Variants in MINPP1 observed in about 807,000 individuals in gnomAD.
MINPP1 encodes the protein multiple inositol-polyphosphate phosphatase 1.
MINPP1 carries 28 observed loss-of-function variants against 46.1 expected under a neutral mutation model. That is an observed-to-expected ratio of 0.61 (90% CI 0.45 to 0.83). MINPP1 has a LOEUF of 0.83. Ranked by LOEUF, MINPP1 falls within the 40% of genes least tolerant of loss-of-function variation. The pLI is 0.00. For synonymous variants in MINPP1, 268 were observed against 249.1 expected (o/e 1.08, Z -0.72); for missense variants, 603 against 610.0 (o/e 0.99, Z 0.12).
At chr10:87,510,157 T>G (rs556566719) in intron 2 of MINPP1, among the ~76,000 whole-genome samples, 14 of 152,360 alleles carry the variant, frequency 9.2e-5, no homozygotes, top group Admixed American at 8.5e-4. Context: ...ATTCTTGTCT[T>G]ATAGGATTAT....
chr10:87,541,074 T>G (rs1414070746), intron 4 of MINPP1, among the ~76,000 whole-genome samples: 1 of 152,252 alleles, frequency 6.6e-6, no homozygotes, highest in Admixed American at 6.5e-5. Context: ...GTCTGTATAC[T>G]TGCAATAGAA....
intron 3 of MINPP1, among the ~76,000 whole-genome samples, 171 bp from the exon 4 acceptor site, chr10:87,520,865 T>C (rs1851490874): frequency 6.6e-6 from 1 of 152,154 alleles, no homozygotes; most frequent in East Asian, 1.9e-4. Context: ...TAAATCTCTC[T>C]GTGGTATGAA....
intron 3 of MINPP1, among the ~76,000 whole-genome samples, chr10:87,514,364 G>A (rs1045209894): frequency 5.3e-5 from 8 of 152,122 alleles, no homozygotes; most frequent in Non-Finnish European, 1.0e-4. Flanking sequence ...ATTTTCTAAT[G>A]TACAGTCAAC....
intron 4 of MINPP1, among the ~76,000 whole-genome samples, chr10:87,522,199 T>G (rs1436291711): frequency 6.6e-6 from 1 of 152,192 alleles, no homozygotes; most frequent in Non-Finnish European, 1.5e-5. Context: ...TGGAAAAATT[T>G]TTTTTAAAGA....
intron 3 of MINPP1, 73 bp from the exon 4 acceptor site, chr10:87,520,963 G>T: frequency 1.4e-6 from 1 of 690,630 alleles, no homozygotes; most frequent in Admixed American, 2.5e-5. Flanking sequence ...ATTTCTTAGA[G>T]AATCATTATT....
intron 4 of MINPP1, among the ~76,000 whole-genome samples, chr10:87,547,229 G>T (rs560753232): frequency 6.6e-6 from 1 of 152,108 alleles, no homozygotes; most frequent in East Asian, 1.9e-4. Flanking sequence ...TTCTGCCTTG[G>T]GCTTCTGAGT....
chr10:87,550,670 GGT>G (rs753725522), intron 4 of MINPP1, among the ~76,000 whole-genome samples: 2 of 151,904 alleles, frequency 1.3e-5, no homozygotes, highest in African/African-American at 2.4e-5. Context: ...CCCCCGTTCT[GGT>G]GTGTGTACTG....
chr10:87,511,253 T>G (rs951918753), intron 2 of MINPP1, among the ~76,000 whole-genome samples: 1 of 152,208 alleles, frequency 6.6e-6, no homozygotes, highest in Admixed American at 6.5e-5. Flanking sequence ...AATTTCTTGC[T>G]TATCTCTTAG....
chr10:87,525,818 T>A (rs1350076326), intron 4 of MINPP1, among the ~76,000 whole-genome samples: 1 of 152,252 alleles, frequency 6.6e-6, no homozygotes, highest in Non-Finnish European at 1.5e-5. Context: ...TGGTTTTCTG[T>A]CCTTGCGATA....
chr10:87,525,139 G>A (rs1851557658), intron 4 of MINPP1, among the ~76,000 whole-genome samples: 1 of 152,184 alleles, frequency 6.6e-6, no homozygotes, highest in South Asian at 2.1e-4. Context: ...GGTAATACCT[G>A]TATCATATAC....
Position 87,553,354 on chromosome 10 carries a change from T to A in MINPP1, c.*876T>A, listed in dbSNP as rs1312964762. On this transcript the variant is annotated 3_prime_UTR_variant, in exon 5 of 5. Transcript: ENST00000371996. ...TGAGTTCTGTCAAATGCCGTGAAAG[T>A]ATTTGCTATAATAAAGAAAATTCTT... 6.6e-6 allele frequency: 1 copy of A among 152,164 alleles called. No individual in the cohort carries two copies. Among genetic ancestry groups the A allele is most frequent in the Admixed American group, 6.6e-5 (1 of 15,252 alleles). The allele number at this position is 152,164 out of a possible 1,614,324, so 9.4% of individuals were successfully genotyped here.
chr10:87,520,825 A>G (rs560197136), intron 3 of MINPP1, among the ~76,000 whole-genome samples: 1 of 152,172 alleles, frequency 6.6e-6, no homozygotes, highest in East Asian at 1.9e-4. Flanking sequence ...CAGCATCTAC[A>G]TTCCCCCAAT....
chr10:87,541,526 T>G (rs1434914559), intron 4 of MINPP1, among the ~76,000 whole-genome samples: 1 of 152,224 alleles, frequency 6.6e-6, no homozygotes, highest in African/African-American at 2.4e-5. Context: ...GTTTTTCCTC[T>G]GCCTTCACAC....
chr10:87,520,695 A>G (rs1204314458), intron 3 of MINPP1, among the ~76,000 whole-genome samples: 1 of 152,126 alleles, frequency 6.6e-6, no homozygotes, highest in Admixed American at 6.5e-5. Context: ...TTAATATAAT[A>G]TCATCTTAAT....
intron 3 of MINPP1, among the ~76,000 whole-genome samples, chr10:87,516,779 A>T: frequency 2.5e-5 from 1 of 39,752 alleles, no homozygotes; most frequent in African/African-American, 5.4e-5. Flanking sequence ...GATTTTAAAA[A>T]GTGTTTTCCT....
At chr10:87,538,914 G>A (rs1851775699) in intron 4 of MINPP1, among the ~76,000 whole-genome samples, 1 of 152,110 alleles carries the variant, frequency 6.6e-6, no homozygotes, top group African/African-American at 2.4e-5. Flanking sequence ...TGTTTTTTCT[G>A]GTTGAGCTTT....
chr10:87,551,708 T>C (rs1851965577), intron 4 of MINPP1, among the ~76,000 whole-genome samples: 1 of 152,134 alleles, frequency 6.6e-6, no homozygotes, highest in East Asian at 1.9e-4. Flanking sequence ...TGGAGTAATA[T>C]TTACTAAGGG....
Position 87,552,197 on chromosome 10 carries a change from T to C in MINPP1, c.1183T>C (p.Tyr395His). ...KDKEPLTAYN[Y>H]KKQMHRKFRS... Reference sequence around the variant, plus strand: ...CAAGGAACCCCTAACAGCGTACAATTACAAAAAACAAATGCATCGGAAGTT... The same window carrying C: ...CAAGGAACCCCTAACAGCGTACAATCACAAAAAACAAATGCATCGGAAGTT... Residue 395 changes from tyrosine to histidine, a missense_variant, in exon 5 of 5, where the codon TAC becomes CAC. Tyr to His is a moderately conservative substitution (Grantham distance 83). This residue lies in a region of MINPP1 where 344 missense variants were observed against 381.1 expected (regional missense o/e 0.90). Coordinates refer to ENST00000371996, the MANE Select transcript of MINPP1 (RefSeq NM_004897.5). 1 of 1,613,772 alleles carries C rather than the reference T, an allele frequency of 6.2e-7. No homozygotes were observed. The highest frequency in any genetic ancestry group is 8.5e-7 in the Non-Finnish European group (1 of 1,179,808).
chr10:87,534,100 T>A (rs1456610836), intron 4 of MINPP1, among the ~76,000 whole-genome samples: 1 of 133,466 alleles, frequency 7.5e-6, no homozygotes, highest in African/African-American at 2.8e-5. Flanking sequence ...TCCCCCAGGC[T>A]GGAGTGCAGT....
Sources: gnomAD v4.1 joint callset for allele counts (sites outside exome capture counted in the v4.1 genomes callset) on GRCh38, gnomAD v4.1.1 for gene constraint, gnomAD v4.1.1 regional missense constraint, MANE v1.5 for transcripts, NCBI Gene and HGNC (gene_info 2026-07-23, HGNC 2026-07-21) for gene names.